Variants in ZFC3H1 observed in about 807,000 individuals in gnomAD.
ZFC3H1 encodes the protein zinc finger C3H1-type containing, also known as zinc finger C3H1 domain-containing protein.
A neutral mutation model predicts 243.7 loss-of-function variants in ZFC3H1; 71 were observed. The observed-to-expected ratio is 0.29, with a 90% CI of 0.24 to 0.36. ZFC3H1 has a LOEUF of 0.36. ZFC3H1 is among the 10% of genes least tolerant of loss of function. ZFC3H1 has a pLI of 1.00. For missense variants in ZFC3H1, 1,966 were observed against 2,317.1 expected, an observed-to-expected ratio of 0.85 and a Z score of 3.11; for synonymous variants, 838 against 813.0, an observed-to-expected ratio of 1.03 and a Z score of -0.52.
chr12:71,652,584 T>C (rs1295626496), intron 2 of ZFC3H1, among the ~76,000 whole-genome samples: 2 of 152,210 alleles, frequency 1.3e-5, no homozygotes, highest in Admixed American at 6.5e-5. Flanking sequence ...ATATCAAACA[T>C]TTACATCTCT....
At position 71,644,137 on chromosome 12, in the gene ZFC3H1, T is replaced by C. The variant is rs1187014183; in HGVS notation, c.1461A>G (p.Arg487=). ...DLSNQEEQYN[R]FMKLVGGKRR... is the part of the protein sequence containing the mutation. ...TCTTGCCACCAACCAATTTCATGAA[T>C]CGATTGTACTGTTCTTCCTGATTTG... The change falls in exon 5 of 35, where the codon CGA becomes CGG. Residue 487 remains arginine, a synonymous_variant. Transcript: ENST00000378743. The C allele has an allele frequency of 6.2e-7, 1 of 1,613,880 alleles. No individual in the cohort carries two copies. The highest frequency in any genetic ancestry group is 8.5e-7 in the Non-Finnish European group (1 of 1,179,940).
rs745572804 is a variant in ZFC3H1, at chr12:71,634,281, T to G, written c.2384A>C (p.Lys795Thr). Residue 795 changes from lysine (K) to threonine (T), a missense_variant, in exon 12 of 35, where the codon AAA becomes ACA. Coordinates refer to ENST00000378743, the MANE Select transcript of ZFC3H1 (RefSeq NM_144982.5). ...IANREKQRLI[K>T]SDQLKTSSSS... Reference sequence around the variant, plus strand: ...TGAACTTGTCTTCAGCTGATCTGATTTAATCAAACGCTGTTTCTCACGGCT... The same window carrying G: ...TGAACTTGTCTTCAGCTGATCTGATGTAATCAAACGCTGTTTCTCACGGCT... 4.3e-6 allele frequency: 7 copies of G among 1,613,680 alleles called. No individual in the cohort carries two copies. Among genetic ancestry groups the G allele is most frequent in the Non-Finnish European group, 5.9e-6 (7 of 1,179,882 alleles).
Position 71,623,506 on chromosome 12 carries a change from A to T in ZFC3H1, c.4598T>A (p.Ile1533Asn). 1 of 1,613,828 alleles carries T rather than the reference A, an allele frequency of 6.2e-7. No homozygotes were observed. Among genetic ancestry groups the T allele is most frequent in the South Asian group, 1.1e-5 (1 of 91,076 alleles). Reference protein sequence around the residue: ...CLAWLAYIHLIEFNILPSKFY... With the variant: ...CLAWLAYIHLNEFNILPSKFY... ...TTTTGAAGGGAGAATGTTGAATTCA[A>T]TAAGATGTATGTAGGCCAACCATGC... is the stretch of plus-strand genomic sequence containing the variant. Residue 1533 changes from isoleucine to asparagine, a missense_variant, in exon 24 of 35, where the codon ATT (isoleucine) becomes AAT (asparagine). Physicochemically the swap from Ile to Asn is moderately radical, Grantham distance 149 (BLOSUM62 -3). Transcript: ENST00000378743.
At chr12:71,638,655 C>G (rs1394278943) in intron 6 of ZFC3H1, 140 bp from the exon 7 acceptor site, 4 of 664,384 alleles carry the variant, frequency 6.0e-6, no homozygotes, top group African/African-American at 5.6e-5. Context: ...ATCTTTAAAC[C>G]CCTCATGAGT....
chr12:71,645,045 C>T lies in ZFC3H1; in HGVS notation c.1111G>A (p.Glu371Lys), dbSNP rs747286342. Residue 371 changes from glutamate (E) to lysine (K), a missense_variant, in exon 4 of 35, where the codon GAA (glutamate) becomes AAA (lysine). Physicochemically the swap from Glu to Lys is moderately conservative, Grantham distance 56 (BLOSUM62 1). Coordinates refer to ENST00000378743, the MANE Select transcript of ZFC3H1 (RefSeq NM_144982.5). ...KLGEDEEELS[E>K]LQLRLLALQS... The stretch of plus-strand genomic sequence containing the variant: ...AGAGCCAAAAGGCGAAGCTGTAATT[C>T]AGATAGTTCCTCTTCATCTTCACCA... The T allele has an allele frequency of 6.2e-7, 1 of 1,611,504 alleles. No individual in the cohort carries two copies. The highest frequency in any genetic ancestry group is 1.1e-5 in the South Asian group (1 of 90,308).
chr12:71,634,321 G>C lies in ZFC3H1; in HGVS notation c.2361-17C>G. 1 of 1,610,026 alleles carries C rather than the reference G, an allele frequency of 6.2e-7. No individual in the cohort carries two copies. The highest frequency in any genetic ancestry group is 8.5e-7 in the Non-Finnish European group (1 of 1,178,568). On this transcript the variant is annotated splice_polypyrimidine_tract_variant and intron_variant, in intron 11 of 34. Coordinates refer to ENST00000378743, the MANE Select transcript of ZFC3H1 (RefSeq NM_144982.5). ...TTCTCACGGCTAAAATTATCAAAAA[G>C]GATATATGCATTACACCCAAGAATA...
At chr12:71,625,267 T>G (rs191360721) in intron 22 of ZFC3H1, among the ~76,000 whole-genome samples, 5 of 152,222 alleles carry the variant, frequency 3.3e-5, no homozygotes, top group African/African-American at 4.8e-5. Context: ...AATGACAGAT[T>G]TGACAGCAAT....
chr12:71,637,013 G>A lies in ZFC3H1; in HGVS notation c.1772C>T (p.Ser591Phe). 7 of 1,613,980 alleles carry A rather than the reference G, an allele frequency of 4.3e-6. No homozygotes were observed. The highest frequency in any genetic ancestry group is 5.9e-6 in the Non-Finnish European group (7 of 1,179,938). ...TGGTAGAGGAGGTAGAGGTTCAAGA[G>A]AAACACACAAGCCTTCCACATAAGG... Reference protein sequence around the residue: ...SQPYVEGLCVSLEPLPPLPPL... With the variant: ...SQPYVEGLCVFLEPLPPLPPL... Residue 591 changes from serine (S) to phenylalanine (F), a missense_variant, in exon 8 of 35, where the codon TCT becomes TTT. By Grantham distance (155) the Ser-to-Phe change is radical. Around this residue, in one of 4 missense-constraint regions of ZFC3H1, gnomAD observed 1,383 missense variants for 1,723.7 expected, o/e 0.80. Coordinates refer to ENST00000378743, the MANE Select transcript of ZFC3H1 (RefSeq NM_144982.5).
rs749336047 is a variant in ZFC3H1, at chr12:71,610,426, G to A, written c.*2C>T. On this transcript the variant is annotated 3_prime_UTR_variant, in exon 35 of 35. Coordinates refer to ENST00000378743, the MANE Select transcript of ZFC3H1 (RefSeq NM_144982.5). ...GGACTTAGAACTGACTGCACCCAGT[G>A]TTCAGTGATTCTTGCTTTCTGTTTT... 1.9e-6 allele frequency: 3 copies of A among 1,612,548 alleles called. No individual in the cohort carries two copies. Among genetic ancestry groups the A allele is most frequent in the African/African-American group, 1.3e-5 (1 of 74,832 alleles).
rs763633094 is a variant in ZFC3H1, at chr12:71,623,629, A to C, written c.4507-32T>G. ...AAAATTTAAAATTTTTTGATAAAAA[A>C]ATTAGAGATGTCAGTACCAGATTAA... On this transcript the variant is annotated intron_variant, in intron 23 of 34. Coordinates refer to ENST00000378743, the MANE Select transcript of ZFC3H1 (RefSeq NM_144982.5). 27 of 1,483,494 alleles carry C rather than the reference A, an allele frequency of 1.8e-5. No homozygotes were observed. In the East Asian group the frequency reaches 5.7e-4, roughly 31 times the overall value. 91.9% of individuals were successfully genotyped at this position (1,483,494 alleles called of 1,614,324 possible).
intron 2 of ZFC3H1, among the ~76,000 whole-genome samples, chr12:71,649,830 C>T (rs1278700601): frequency 1.3e-5 from 2 of 152,184 alleles, no homozygotes; most frequent in African/African-American, 2.4e-5. Context: ...CTCCCTTTAA[C>T]GTAGCATAGA....
chr12:71,656,945 T>C lies in ZFC3H1; in HGVS notation c.955A>G (p.Lys319Glu), dbSNP rs567329299. 6.2e-7 allele frequency: 1 copy of C among 1,613,886 alleles called. No homozygotes were observed. The highest frequency in any genetic ancestry group is 2.2e-5 in the East Asian group (1 of 44,828). The change falls in exon 2 of 35, where the codon AAA becomes GAA. Residue 319 changes from lysine (K) to glutamate (E), a missense_variant. Physicochemically the swap from Lys to Glu is moderately conservative, Grantham distance 56. This residue lies in a region of ZFC3H1 where 484 missense variants were observed against 449.7 expected (regional missense o/e 1.08). Transcript: ENST00000378743. ...TLPGDKNRLK[K>E]VKDGAKPLSL... ...AGTGGTTTTGCTCCATCTTTAACTTTTTTCAAACGGTTCTTATCTCCTGGT... is the reference window on the plus strand; with the variant it reads ...AGTGGTTTTGCTCCATCTTTAACTTCTTTCAAACGGTTCTTATCTCCTGGT...
intron 27 of ZFC3H1, among the ~76,000 whole-genome samples, chr12:71,615,835 T>C (rs982287203): frequency 2.6e-5 from 4 of 152,146 alleles, no homozygotes; most frequent in East Asian, 1.9e-4. Flanking sequence ...TATTATTTTA[T>C]ACCTATATGA....
At chr12:71,629,516 C>A in intron 19 of ZFC3H1, 93 bp downstream of exon 19, 1 of 824,754 alleles carries the variant, frequency 1.2e-6, no homozygotes, top group South Asian at 1.7e-5. Flanking sequence ...AAATTTCTGT[C>A]ATACAGAAAC....
chr12:71,655,701 A>G (rs752391506), intron 2 of ZFC3H1, among the ~76,000 whole-genome samples: 13 of 152,196 alleles, frequency 8.5e-5, no homozygotes, highest in Non-Finnish European at 1.9e-4. Context: ...TTTATCAGCA[A>G]GATCTACCAA....
rs1014064267 is a variant in ZFC3H1 at position 71,624,297 on chromosome 12, C to G, written c.4318-5G>C. On this transcript the variant is annotated splice_polypyrimidine_tract_variant and splice_region_variant and intron_variant, in intron 22 of 34. Transcript: ENST00000378743. Reference sequence around the variant, plus strand: ...GGTACTTTCTAGGTGTAGAAACTGCCCAAAGGGCCTTTATATTATTAATGT... The same window carrying G: ...GGTACTTTCTAGGTGTAGAAACTGCGCAAAGGGCCTTTATATTATTAATGT... 1 of 1,593,228 alleles carries G rather than the reference C, an allele frequency of 6.3e-7. No homozygotes were observed. Among genetic ancestry groups the G allele is most frequent in the South Asian group, 1.1e-5 (1 of 88,524 alleles).
intron 1 of ZFC3H1, among the ~76,000 whole-genome samples, chr12:71,662,692 C>CA (rs1010086436): frequency 2.0e-5 from 3 of 152,098 alleles, no homozygotes; most frequent in Admixed American, 1.3e-4. Flanking sequence ...ATATAAAACA[C>CA]AAAGTTTCTG....
chr12:71,635,614 C>CA (rs748484111), intron 9 of ZFC3H1, 34 bp from the exon 10 acceptor site: 1 of 1,502,214 alleles, frequency 6.7e-7, no homozygotes, highest in South Asian at 1.4e-5. Context: ...CTCGTGATAA[C>CA]AAAAGGATGT....
rs181994135 is a variant in ZFC3H1 at position 71,627,549 on chromosome 12, C to T, written c.4130+202G>A. ...TTTAGTATAATTTATTACCCATACA[C>T]TGAGCCATGCACACAAACTCAAGAT... is the stretch of plus-strand genomic sequence containing the variant. On this transcript the variant is annotated intron_variant, in intron 21 of 34. Coordinates refer to ENST00000378743, the MANE Select transcript of ZFC3H1 (RefSeq NM_144982.5). Among the ~76,000 whole-genome samples the T allele has an allele frequency of 1.1e-3, 172 of 152,284 alleles. 1 individual carries two copies. The highest frequency in any genetic ancestry group is 3.9e-3 in the African/African-American group (163 of 41,566).
Sources: gnomAD v4.1 joint callset for allele counts (sites outside exome capture counted in the v4.1 genomes callset) on GRCh38, gnomAD v4.1.1 for gene constraint, gnomAD v4.1.1 regional missense constraint, MANE v1.5 for transcripts, NCBI Gene and HGNC (gene_info 2026-07-23, HGNC 2026-07-21) for gene names.